The following AFTPH variants were observed in gnomAD, a reference collection of about 807,000 sequenced individuals.
The protein encoded by AFTPH is aftiphilin.
AFTPH carries 7 observed loss-of-function variants against 72.5 expected under a neutral mutation model. The ratio of observed to expected loss-of-function variants is 0.10; its 90% CI spans 0.05 to 0.18. The LOEUF is 0.18. AFTPH is among the 10% of genes least tolerant of loss of function. The probability of loss-of-function intolerance (pLI) is 1.00; values close to 1 mark genes in which losing one functional copy is unlikely to be tolerated. For synonymous variants in AFTPH, 337 were observed against 370.1 expected, an observed-to-expected ratio of 0.91 and a Z score of 1.03; for missense variants, 979 against 1,060.5, an observed-to-expected ratio of 0.92 and a Z score of 1.07.
chr2:64,590,952 C>T (rs1227900256), intron 8 of AFTPH, among the ~76,000 whole-genome samples: 1 of 152,168 alleles, frequency 6.6e-6, no homozygotes, highest in African/African-American at 2.4e-5. Context: ...ACCAGCTATC[C>T]TTTACCATAA....
intron 5 of AFTPH, among the ~76,000 whole-genome samples, chr2:64,571,945 G>A (rs556167448): frequency 4.5e-4 from 68 of 152,246 alleles, no homozygotes; most frequent in African/African-American, 1.6e-3. Context: ...GCCGGGCGTG[G>A]TGGCTCACGC....
chr2:64,554,298 C>A (rs1671230318), intron 2 of AFTPH, among the ~76,000 whole-genome samples: 1 of 152,146 alleles, frequency 6.6e-6, no homozygotes, highest in South Asian at 2.1e-4. Flanking sequence ...GTTCCCCAGT[C>A]CAGAGTTCTA....
intron 1 of AFTPH, among the ~76,000 whole-genome samples, chr2:64,525,353 G>C (rs1669193429): frequency 6.6e-6 from 1 of 152,138 alleles, no homozygotes; most frequent in Non-Finnish European, 1.5e-5. Flanking sequence ...GGAAAGTAAT[G>C]GGGATAGCAA....
At chr2:64,552,338 A>T in exon 2 of AFTPH, 1 of 1,614,126 alleles carries the variant, frequency 6.2e-7, no homozygotes, top group Non-Finnish European at 8.5e-7. Flanking sequence ...TGGATAACAA[A>T]GGAGACACTG....
intron 1 of AFTPH, among the ~76,000 whole-genome samples, chr2:64,529,780 C>A (rs996328569): frequency 6.6e-6 from 1 of 151,986 alleles, no homozygotes; most frequent in African/African-American, 2.4e-5. Flanking sequence ...CGGGCGCACA[C>A]CACCATGCCT....
At chr2:64,546,042 G>A (rs912871054) in intron 1 of AFTPH, among the ~76,000 whole-genome samples, 15 of 151,970 alleles carry the variant, frequency 9.9e-5, no homozygotes, top group African/African-American at 3.6e-4. Flanking sequence ...ACAGGCACCC[G>A]CCACCACGCC....
intron 5 of AFTPH, among the ~76,000 whole-genome samples, chr2:64,571,318 G>T (rs183503299): frequency 6.6e-6 from 1 of 151,238 alleles, no homozygotes; most frequent in African/African-American, 2.4e-5. Flanking sequence ...GAATTTGCAC[G>T]TCTGACAAGT....
intron 8 of AFTPH, among the ~76,000 whole-genome samples, chr2:64,587,082 A>G (rs1673562121): frequency 6.6e-6 from 1 of 152,192 alleles, no homozygotes; most frequent in Non-Finnish European, 1.5e-5. Flanking sequence ...GAGGAGCTCT[A>G]AACCACCTTA....
At chr2:64,589,596 CTT>C (rs67053935) in intron 8 of AFTPH, among the ~76,000 whole-genome samples, 1 of 151,632 alleles carries the variant, frequency 6.6e-6, no homozygotes, top group Admixed American at 6.6e-5. Context: ...ACTGTGTAAA[CTT>C]TTTATTTTAA....
At chr2:64,584,224 A>C (rs1232384932) in intron 7 of AFTPH, among the ~76,000 whole-genome samples, 1 of 152,082 alleles carries the variant, frequency 6.6e-6, no homozygotes, top group African/African-American at 2.4e-5. Flanking sequence ...AGTGTAACTT[A>C]AGTTTAAAAT....
At chr2:64,569,704 G>C in intron 5 of AFTPH, 25 bp downstream of exon 5, 1 of 1,599,492 alleles carries the variant, frequency 6.3e-7, no homozygotes, top group South Asian at 1.1e-5. Flanking sequence ...CTCTCTGCAT[G>C]TATTTATCAT....
At chr2:64,563,898 G>A (rs564503491) in intron 2 of AFTPH, among the ~76,000 whole-genome samples, 194 of 152,228 alleles carry the variant, frequency 1.3e-3, no homozygotes, top group African/African-American at 3.3e-3. Flanking sequence ...GAGCCACCGC[G>A]CCCAGCTGAG....
chr2:64,586,883 A>C (rs747573729), intron 8 of AFTPH, among the ~76,000 whole-genome samples: 27 of 152,260 alleles, frequency 1.8e-4, no homozygotes, highest in Non-Finnish European at 4.0e-4. Flanking sequence ...ACTAAAAGCT[A>C]ACACACATTT....
At chr2:64,535,589 ATG>A (rs34679604) in intron 1 of AFTPH, among the ~76,000 whole-genome samples, 18,386 of 152,116 alleles carry the variant, frequency 0.12, 3,135 homozygotes, top group African/African-American at 0.37. Context: ...ATTAAACTGA[ATG>A]TATGAATAAA....
chr2:64,551,432 C>T lies in AFTPH; in HGVS notation c.-32-11C>T, dbSNP rs1288335262. ...TGTCCCCTCCAAAAATTCTTTTTTT[C>T]TTTTTTACAGGTGTAAATTAATTAT... On this transcript the variant is annotated splice_polypyrimidine_tract_variant and intron_variant, in intron 1 of 8. Transcript: ENST00000238856. 3.9e-6 allele frequency: 6 copies of T among 1,551,762 alleles called. No individual in the cohort carries two copies. Among genetic ancestry groups the T allele is most frequent in the Admixed American group, 2.1e-5 (1 of 46,834 alleles).
At chr2:64,548,407 G>GAAAA (rs57995634) in intron 1 of AFTPH, among the ~76,000 whole-genome samples, 2,022 of 59,578 alleles carry the variant, frequency 0.034, 27 homozygotes, top group Non-Finnish European at 0.043. Context: ...CTCAAAAAAA[G>GAAAA]AAAAAAAAAA....
chr2:64,568,735 G>T (rs543694838), intron 3 of AFTPH, among the ~76,000 whole-genome samples: 2 of 152,090 alleles, frequency 1.3e-5, no homozygotes, highest in East Asian at 3.9e-4. Context: ...TCAGCCTCCC[G>T]AGTAGCTGGG....
exon 2 of AFTPH, chr2:64,551,756 T>C: frequency 6.2e-7 from 1 of 1,613,762 alleles, no homozygotes; most frequent in Non-Finnish European, 8.5e-7. Flanking sequence ...ACATCACTGC[T>C]GAACTTTCTG....
At chr2:64,582,237 C>A (rs1379406018) in intron 7 of AFTPH, among the ~76,000 whole-genome samples, 1 of 152,168 alleles carries the variant, frequency 6.6e-6, no homozygotes, top group Non-Finnish European at 1.5e-5. Flanking sequence ...TGAGAATTCA[C>A]TGGTTTTGTG....
Sources: gnomAD v4.1 joint callset for allele counts (sites outside exome capture counted in the v4.1 genomes callset) on GRCh38, gnomAD v4.1.1 for gene constraint, MANE v1.5 for transcripts, NCBI Gene and HGNC (gene_info 2026-07-23, HGNC 2026-07-21) for gene names.